The following SVEP1 variants were observed in gnomAD, a reference collection of about 807,000 sequenced individuals.
The protein encoded by SVEP1 is sushi, von Willebrand factor type A, EGF and pentraxin domain containing 1, also known as sushi, von Willebrand factor type A, EGF and pentraxin domain-containing protein 1.
A neutral mutation model predicts 367.3 loss-of-function variants in SVEP1; 164 were observed. The observed-to-expected ratio is 0.45, with a 90% CI of 0.39 to 0.51. SVEP1 has a LOEUF of 0.51. Ranked by LOEUF, SVEP1 falls within the 20% of genes least tolerant of loss-of-function variation. The probability of loss-of-function intolerance (pLI) is 0.00; values close to 1 mark genes in which losing one functional copy is unlikely to be tolerated. For missense variants in SVEP1, 4,117 were observed against 4,425.3 expected (o/e 0.93, Z 1.98); for synonymous variants, 1,666 against 1,611.6 (o/e 1.03, Z -0.81).
intron 36 of SVEP1, among the ~76,000 whole-genome samples, chr9:110,412,616 A>C (rs1027883751): frequency 2.6e-4 from 39 of 152,114 alleles, no homozygotes; most frequent in African/African-American, 3.9e-4. Context: ...CAACCTACAA[A>C]ATGGGAGAAA....
chr9:110,369,851 G>T, intron 47 of SVEP1, 72 bp downstream of exon 47: 1 of 1,258,484 alleles, frequency 7.9e-7, no homozygotes, highest in Non-Finnish European at 1.1e-6. Flanking sequence ...ATAACTTCTG[G>T]CTCTTAGGAC....
At chr9:110,515,724 A>T (rs954779807) in intron 3 of SVEP1, among the ~76,000 whole-genome samples, 1 of 152,212 alleles carries the variant, frequency 6.6e-6, no homozygotes, top group South Asian at 2.1e-4. Context: ...CATTTTAAAC[A>T]TCAGAAAATG....
chr9:110,457,011 T>C (rs1828785164), intron 21 of SVEP1, among the ~76,000 whole-genome samples: 1 of 152,180 alleles, frequency 6.6e-6, no homozygotes, highest in Admixed American at 6.5e-5. Flanking sequence ...AAATTGTGGG[T>C]TATGACAAAG....
chr9:110,507,825 T>C (rs1181753166), intron 5 of SVEP1, among the ~76,000 whole-genome samples: 2 of 152,168 alleles, frequency 1.3e-5, no homozygotes, highest in African/African-American at 4.8e-5. Flanking sequence ...AAAACCATAT[T>C]AAACAATGTT....
intron 6 of SVEP1, among the ~76,000 whole-genome samples, chr9:110,502,372 G>C (rs1435285412): frequency 6.6e-6 from 1 of 152,038 alleles, no homozygotes; most frequent in African/African-American, 2.4e-5. Flanking sequence ...AAAGTGCTGA[G>C]ATTACAGGCG....
At chr9:110,457,376 A>G (rs761392489) in intron 20 of SVEP1, 24 bp from the exon 21 acceptor site, 1 of 1,556,380 alleles carries the variant, frequency 6.4e-7, no homozygotes, top group East Asian at 2.2e-5. Flanking sequence ...AAAAAAATCA[A>G]TCAGAGACAA....
intron 5 of SVEP1, among the ~76,000 whole-genome samples, chr9:110,504,050 A>G (rs10980414): frequency 1.4e-4 from 4 of 29,374 alleles, no homozygotes; most frequent in Admixed American, 3.5e-4. Context: ...ATTTTATTTT[A>G]TTTTGTTTTG....
intron 3 of SVEP1, among the ~76,000 whole-genome samples, chr9:110,524,959 G>A (rs1829922958): frequency 6.6e-6 from 1 of 152,030 alleles, no homozygotes; most frequent in Admixed American, 6.6e-5. Flanking sequence ...CAATCTGCCT[G>A]CCTCAGCTTC....
chr9:110,368,180 C>G (rs1004329511), intron 47 of SVEP1, among the ~76,000 whole-genome samples: 3 of 152,172 alleles, frequency 2.0e-5, no homozygotes, highest in Non-Finnish European at 2.9e-5. Context: ...GAGGTGGTGA[C>G]ATGGGAGGTG....
intron 1 of SVEP1, among the ~76,000 whole-genome samples, chr9:110,576,429 T>C (rs1830627843): frequency 6.6e-6 from 1 of 152,174 alleles, no homozygotes; most frequent in Non-Finnish European, 1.5e-5. Context: ...AGGCATAATA[T>C]ATGTATGAAA....
chr9:110,477,617 A>G (rs562975448), intron 13 of SVEP1, among the ~76,000 whole-genome samples: 91 of 152,214 alleles, frequency 6.0e-4, no homozygotes, highest in African/African-American at 2.0e-3. Context: ...TGAACTCAGA[A>G]AAGAGCCTCC....
chr9:110,387,894 T>C (rs941303337), intron 41 of SVEP1, among the ~76,000 whole-genome samples: 5 of 152,300 alleles, frequency 3.3e-5, no homozygotes, highest in Admixed American at 3.3e-4. Flanking sequence ...AATACATTTT[T>C]AGTATAAGCG....
chr9:110,540,215 T>G (rs1038075493), intron 3 of SVEP1, among the ~76,000 whole-genome samples: 2 of 152,084 alleles, frequency 1.3e-5, no homozygotes, highest in Non-Finnish European at 2.9e-5. Flanking sequence ...AGGTAAAGGA[T>G]GAAGACAGTC....
Position 110,434,509 on chromosome 9 carries a change from G to C in SVEP1, c.4889-3C>G, listed in dbSNP as rs763371109. Reference sequence around the variant, plus strand: ...TGACCCTCCTAAGCGTGGGCAATCTGAGGGCAAAGAACACAGGTGCAGAGC... The same window carrying C: ...TGACCCTCCTAAGCGTGGGCAATCTCAGGGCAAAGAACACAGGTGCAGAGC... On this transcript the variant is annotated splice_region_variant and splice_polypyrimidine_tract_variant and intron_variant, in intron 29 of 47. Transcript: ENST00000374469. The C allele has an allele frequency of 6.2e-7, 1 of 1,612,312 alleles. No homozygotes were observed. The highest frequency in any genetic ancestry group is 1.7e-5 in the Admixed American group (1 of 59,870).
intron 30 of SVEP1, among the ~76,000 whole-genome samples, chr9:110,433,691 G>C (rs900347801): frequency 6.6e-6 from 1 of 151,642 alleles, no homozygotes; most frequent in Non-Finnish European, 1.5e-5. Flanking sequence ...GGCTGGTCTT[G>C]AACTCTTGGG....
At chr9:110,371,269 T>C (rs981233498) in intron 46 of SVEP1, among the ~76,000 whole-genome samples, 3 of 152,178 alleles carry the variant, frequency 2.0e-5, no homozygotes, top group Non-Finnish European at 2.9e-5. Flanking sequence ...AACACGTTAC[T>C]CCTTTTCAGG....
intron 31 of SVEP1, 141 bp downstream of exon 31, chr9:110,432,321 T>TACACC: frequency 8.9e-7 from 1 of 1,118,598 alleles, no homozygotes; most frequent in Non-Finnish European, 1.3e-6. Context: ...TACAGCTGCT[T>TACACC]TGTCACTATG....
intron 29 of SVEP1, 89 bp downstream of exon 29, chr9:110,435,152 C>T (rs571582764): frequency 4.2e-5 from 61 of 1,460,652 alleles, no homozygotes; most frequent in South Asian, 2.4e-4. Context: ...ACGATTGGAC[C>T]GATAGAGAAT....
chr9:110,366,623 C>CATCTCT, intron 47 of SVEP1, 63 bp from the exon 48 acceptor site: 1 of 1,461,774 alleles, frequency 6.8e-7, no homozygotes, highest in Non-Finnish European at 9.1e-7. Flanking sequence ...GAAGAGCTAA[C>CATCTCT]ATCTCTTTAG....
Sources: gnomAD v4.1 joint callset for allele counts (sites outside exome capture counted in the v4.1 genomes callset) on GRCh38, gnomAD v4.1.1 for gene constraint, MANE v1.5 for transcripts, NCBI Gene and HGNC (gene_info 2026-07-23, HGNC 2026-07-21) for gene names.